DRC11: variants seen among roughly 807,000 people sequenced by gnomAD.
DRC11 encodes dynein regulatory complex subunit 11, also known as IQ and AAA domain-containing protein 1.
chr2:236,466,499 C>T, the DRC11 span, among the ~76,000 whole-genome samples: 3 of 152,180 alleles, frequency 2.0e-5, no homozygotes, highest in African/African-American at 7.2e-5. Context: ...TATTTTGGCT[C>T]ACAGTTCTGC....
chr2:236,439,563 T>C, the DRC11 span, among the ~76,000 whole-genome samples: 2 of 152,190 alleles, frequency 1.3e-5, no homozygotes, highest in South Asian at 2.1e-4. Context: ...ATTTTGTCAG[T>C]GTAATTCTGT....
the DRC11 span, chr2:236,392,199 T>C: frequency 6.8e-7 from 1 of 1,465,932 alleles, no homozygotes; most frequent in Non-Finnish European, 9.5e-7. This position sits in a 1 kb window ranked among gnomAD's most constrained non-coding sequence, Gnocchi z 5.1. Context: ...GCACAATGGT[T>C]GAAGTAAATG....
the DRC11 span, chr2:236,367,969 C>CT: frequency 1.8e-6 from 1 of 565,550 alleles, no homozygotes; most frequent in East Asian, 3.1e-5. The surrounding 1 kb of genome is among the most constrained non-coding windows in gnomAD (Gnocchi z 4.8). Flanking sequence ...TTCAGCCCAG[C>CT]ACTGCTAAGC....
the DRC11 span, among the ~76,000 whole-genome samples, chr2:236,502,089 G>A: frequency 6.6e-6 from 1 of 152,092 alleles, no homozygotes; most frequent in Non-Finnish European, 1.5e-5. Flanking sequence ...AAAGAATGAC[G>A]ACTTCTTCAA....
chr2:236,478,005 TTGTG>T, the DRC11 span, among the ~76,000 whole-genome samples: 37 of 146,872 alleles, frequency 2.5e-4, no homozygotes, highest in Middle Eastern at 3.5e-3. The surrounding 1 kb of genome is among the most constrained non-coding windows in gnomAD (Gnocchi z 5.9). Flanking sequence ...TTTTGTTGAT[TTGTG>T]TGTGTGTGTG....
At chr2:236,418,415 G>T in the DRC11 span, among the ~76,000 whole-genome samples, 1 of 152,144 alleles carries the variant, frequency 6.6e-6, no homozygotes, top group East Asian at 1.9e-4. Flanking sequence ...ACTGGATTTT[G>T]GTCAGCCATG....
chr2:236,470,089 C>T, the DRC11 span, among the ~76,000 whole-genome samples: 222 of 152,124 alleles, frequency 1.5e-3, no homozygotes, highest in Non-Finnish European at 2.5e-3. The surrounding 1 kb of genome is among the most constrained non-coding windows in gnomAD (Gnocchi z 5.1). Flanking sequence ...CCTGAGTTTG[C>T]GGGGAAATAG....
chr2:236,407,688 A>G, the DRC11 span, among the ~76,000 whole-genome samples: 1 of 149,980 alleles, frequency 6.7e-6, no homozygotes, highest in East Asian at 1.9e-4. Context: ...CCTTCTCCTC[A>G]CCTCTGCTGC....
At chr2:236,424,705 A>C in the DRC11 span, among the ~76,000 whole-genome samples, 30,627 of 150,584 alleles carry the variant, frequency 0.2, 3,467 homozygotes, top group Middle Eastern at 0.28. Flanking sequence ...AAAATATACA[A>C]TATAATATTG....
the DRC11 span, among the ~76,000 whole-genome samples, chr2:236,460,875 C>G: frequency 5.9e-5 from 9 of 152,170 alleles, no homozygotes; most frequent in Non-Finnish European, 1.2e-4. The surrounding 1 kb of genome is among the most constrained non-coding windows in gnomAD (Gnocchi z 4.0). Context: ...TCACTTCAAC[C>G]TCCCGAGTAG....
chr2:236,308,930 C>T, the DRC11 span, among the ~76,000 whole-genome samples: 8 of 152,220 alleles, frequency 5.3e-5, no homozygotes, highest in Non-Finnish European at 1.0e-4. This position sits in a 1 kb window ranked among gnomAD's most constrained non-coding sequence, Gnocchi z 6.0. Context: ...GGAACACGTG[C>T]TTCTGCTGCA....
At chr2:236,415,995 T>C in the DRC11 span, among the ~76,000 whole-genome samples, 33 of 152,238 alleles carry the variant, frequency 2.2e-4, no homozygotes, top group East Asian at 4.1e-3. This position sits in a 1 kb window ranked among gnomAD's most constrained non-coding sequence, Gnocchi z 5.7. Context: ...GCTTTTTTTT[T>C]CCAGAACAAG....
the DRC11 span, among the ~76,000 whole-genome samples, chr2:236,330,654 A>T: frequency 6.6e-6 from 1 of 152,170 alleles, no homozygotes; most frequent in African/African-American, 2.4e-5. This position sits in a 1 kb window ranked among gnomAD's most constrained non-coding sequence, Gnocchi z 5.5. Flanking sequence ...CACAGCCAAT[A>T]TTGTGGTGGT....
chr2:236,316,295 T>G, the DRC11 span, among the ~76,000 whole-genome samples: 1 of 152,148 alleles, frequency 6.6e-6, no homozygotes, highest in Non-Finnish European at 1.5e-5. The surrounding 1 kb of genome is among the most constrained non-coding windows in gnomAD (Gnocchi z 6.8). Flanking sequence ...CCAGAGTAGC[T>G]GGGATTACAG....
At chr2:236,331,004 C>T in the DRC11 span, among the ~76,000 whole-genome samples, 1 of 152,198 alleles carries the variant, frequency 6.6e-6, no homozygotes, top group Non-Finnish European at 1.5e-5. This position sits in a 1 kb window ranked among gnomAD's most constrained non-coding sequence, Gnocchi z 4.8. Flanking sequence ...TTGGCTTGAA[C>T]TATACTATTT....
the DRC11 span, among the ~76,000 whole-genome samples, chr2:236,462,896 C>T: frequency 3.9e-5 from 6 of 152,140 alleles, no homozygotes; most frequent in Non-Finnish European, 8.8e-5. The surrounding 1 kb of genome is among the most constrained non-coding windows in gnomAD (Gnocchi z 6.4). Flanking sequence ...TCAGAAGAGA[C>T]AGAGTCACCT....
At chr2:236,428,581 T>G in the DRC11 span, among the ~76,000 whole-genome samples, 1 of 152,182 alleles carries the variant, frequency 6.6e-6, no homozygotes, top group Non-Finnish European at 1.5e-5. Context: ...TCAATTTACA[T>G]GGAATATCTT....
chr2:236,359,708 C>CTT, the DRC11 span, among the ~76,000 whole-genome samples: 1 of 152,196 alleles, frequency 6.6e-6, no homozygotes, highest in East Asian at 1.9e-4. This position sits in a 1 kb window ranked among gnomAD's most constrained non-coding sequence, Gnocchi z 4.3. Context: ...TCCTGTCCTG[C>CTT]TTGCCTTTGG....
chr2:236,371,972 T>C, the DRC11 span, among the ~76,000 whole-genome samples: 15 of 152,350 alleles, frequency 9.8e-5, no homozygotes, highest in African/African-American at 3.4e-4. The surrounding 1 kb of genome is among the most constrained non-coding windows in gnomAD (Gnocchi z 5.1). Flanking sequence ...TTTATTAGAA[T>C]GTCTTCTTGA....
Sources: allele counts gnomAD v4.1 joint callset (sites outside exome capture counted in the v4.1 genomes callset), GRCh38; gene constraint gnomAD v4.1.1; non-coding constraint Gnocchi (gnomAD v3.1); transcripts MANE v1.5; gene names NCBI Gene and HGNC (gene_info 2026-07-23, HGNC 2026-07-21).